Variants in LRBA observed in about 807,000 individuals in gnomAD.
LRBA encodes the protein lipopolysaccharide-responsive and beige-like anchor protein.
A neutral mutation model predicts 330.0 loss-of-function variants in LRBA; 176 were observed. The ratio of observed to expected loss-of-function variants is 0.53; its 90% CI spans 0.47 to 0.60. The LOEUF (loss-of-function observed/expected upper bound fraction) is 0.60. Among genes scored for constraint, LRBA ranks in the 20% least tolerant of loss-of-function variants. LRBA has a pLI of 0.00. For missense variants in LRBA, 3,259 were observed against 3,444.8 expected (o/e 0.95, Z 1.35); for synonymous variants, 1,230 against 1,193.0 (o/e 1.03, Z -0.64).
At chr4:150,582,950 G>A in intron 40 of LRBA, 1 of 1,496,646 alleles carries the variant, frequency 6.7e-7, no homozygotes, top group South Asian at 1.4e-5. Context: ...GAAAGCCGCT[G>A]GGCCACCACC....
chr4:150,268,429 A>C (rs1329322393), intron 56 of LRBA, among the ~76,000 whole-genome samples: 1 of 152,226 alleles, frequency 6.6e-6, no homozygotes, highest in Non-Finnish European at 1.5e-5. Flanking sequence ...TAAGTGATTC[A>C]ATAAGGCCAG....
intron 40 of LRBA, among the ~76,000 whole-genome samples, chr4:150,503,223 A>C (rs2152120152): frequency 6.6e-6 from 1 of 152,346 alleles, no homozygotes; most frequent in African/African-American, 2.4e-5. Flanking sequence ...CCCAGCATGC[A>C]GATTGAGATC....
intron 36 of LRBA, among the ~76,000 whole-genome samples, chr4:150,685,260 T>A (rs1470078117): frequency 6.7e-6 from 1 of 149,964 alleles, no homozygotes; most frequent in African/African-American, 2.5e-5. Flanking sequence ...GATTTTTTTT[T>A]AAGAGCCAAT....
rs560500356 is a variant in LRBA at position 150,649,055 on chromosome 4, T to C, written c.5921+34496A>G. On this transcript the variant is annotated intron_variant, in intron 37 of 56. Coordinates refer to ENST00000651943, the MANE Select transcript of LRBA (RefSeq NM_001364905.1). ...GACAATTTTGCTTCTGATCACCTTA[T>C]AGCATTGGTCACTGCTCCTTCTTAA... Among the ~76,000 whole-genome samples, 10 of 152,282 alleles carry C rather than the reference T, an allele frequency of 6.6e-5. 1 individual carries two copies. The South Asian group carries it at 8.3e-4, about 13-fold the overall frequency.
rs542755237 is a variant in LRBA at position 150,796,422 on chromosome 4, T to C, written c.5580+1659A>G. ...CACACTGTGCTACATCTTGTAGAGA[T>C]GCCATGGAACTTTTGAAGAACTCAC... On this transcript the variant is annotated intron_variant, in intron 34 of 56. Transcript: ENST00000651943. Among the ~76,000 whole-genome samples the C allele has an allele frequency of 1.3e-3, 198 of 151,968 alleles. 1 individual carries two copies. Among genetic ancestry groups the C allele is most frequent in the Non-Finnish European group, 2.4e-3 (166 of 67,836 alleles).
At chr4:150,555,454 T>C (rs145926695) in intron 40 of LRBA, among the ~76,000 whole-genome samples, 1 of 152,272 alleles carries the variant, frequency 6.6e-6, no homozygotes, top group African/African-American at 2.4e-5. Flanking sequence ...AAAACAATTA[T>C]ATCTTACAAT....
chr4:150,799,713 T>C (rs1741310087), intron 33 of LRBA, among the ~76,000 whole-genome samples: 2 of 152,176 alleles, frequency 1.3e-5, no homozygotes, highest in Non-Finnish European at 2.9e-5. Context: ...CCTTTGTCCC[T>C]CTTACCACAC....
At chr4:150,569,929 A>G (rs1769627205) in intron 40 of LRBA, among the ~76,000 whole-genome samples, 1 of 152,114 alleles carries the variant, frequency 6.6e-6, no homozygotes, top group Admixed American at 6.6e-5. Context: ...GCTTCTCATT[A>G]AACATTAAAT....
At chr4:150,413,248 T>C (rs1747268944) in intron 47 of LRBA, among the ~76,000 whole-genome samples, 1 of 151,998 alleles carries the variant, frequency 6.6e-6, no homozygotes, top group Non-Finnish European at 1.5e-5. Flanking sequence ...CTTCATACAT[T>C]GTAGGAATAC....
At chr4:150,792,768 G>GT (rs903321202) in intron 34 of LRBA, among the ~76,000 whole-genome samples, 18 of 151,848 alleles carry the variant, frequency 1.2e-4, no homozygotes, top group South Asian at 4.2e-4. Flanking sequence ...GGGCTAAATT[G>GT]TTTTTTTTAA....
intron 2 of LRBA, among the ~76,000 whole-genome samples, chr4:150,945,428 C>G (rs569806412): frequency 6.6e-6 from 1 of 152,122 alleles, no homozygotes; most frequent in Non-Finnish European, 1.5e-5. Flanking sequence ...GTTCAAGACA[C>G]AATACTAAAT....
intron 36 of LRBA, among the ~76,000 whole-genome samples, chr4:150,713,105 T>A (rs1786398978): frequency 6.6e-6 from 1 of 151,908 alleles, no homozygotes; most frequent in Admixed American, 6.6e-5. Context: ...CCCAGCTAAT[T>A]TTTAAATTTT....
chr4:150,850,398 C>T (rs1325713352), intron 24 of LRBA, among the ~76,000 whole-genome samples: 3 of 151,944 alleles, frequency 2.0e-5, no homozygotes, highest in Non-Finnish European at 4.4e-5. Context: ...CCGGCCTATA[C>T]CAATTATTTT....
intron 47 of LRBA, among the ~76,000 whole-genome samples, chr4:150,358,405 A>G (rs1461063507): frequency 6.6e-6 from 1 of 152,094 alleles, no homozygotes; most frequent in Non-Finnish European, 1.5e-5. Context: ...GCCTGCCTTA[A>G]AACAGGCTCA....
At chr4:150,463,321 T>C (rs910826388) in intron 44 of LRBA, among the ~76,000 whole-genome samples, 2 of 152,038 alleles carry the variant, frequency 1.3e-5, no homozygotes, top group African/African-American at 4.8e-5. Context: ...TATTCAACTG[T>C]GTGCCCTTCA....
intron 37 of LRBA, among the ~76,000 whole-genome samples, chr4:150,670,244 T>C (rs1230499588): frequency 6.6e-6 from 1 of 152,228 alleles, no homozygotes; most frequent in African/African-American, 2.4e-5. Flanking sequence ...TTAATCTTTT[T>C]ACTTTTAAAA....
intron 37 of LRBA, among the ~76,000 whole-genome samples, chr4:150,605,932 A>C (rs561771539): frequency 1.3e-5 from 2 of 152,300 alleles, no homozygotes; most frequent in South Asian, 4.1e-4. Flanking sequence ...TCCAGCAGAG[A>C]AGACACATAC....
At chr4:150,840,893 A>G in intron 28 of LRBA, 1 of 1,047,352 alleles carries the variant, frequency 9.5e-7, no homozygotes, top group African/African-American at 1.7e-5. Context: ...CTAATTGTTA[A>G]TACTTAATGT....
chr4:150,458,846 T>C (rs1754411521), intron 44 of LRBA, among the ~76,000 whole-genome samples: 1 of 151,868 alleles, frequency 6.6e-6, no homozygotes. Flanking sequence ...TCTGGTTTTG[T>C]TTTGATTTTC....
Sources: allele counts gnomAD v4.1 joint callset (sites outside exome capture counted in the v4.1 genomes callset), GRCh38; gene constraint gnomAD v4.1.1; transcripts MANE v1.5; gene names NCBI Gene and HGNC (gene_info 2026-07-23, HGNC 2026-07-21).